Variants in MAP4K5 observed in about 807,000 individuals in gnomAD.
The protein encoded by MAP4K5 is mitogen-activated protein kinase kinase kinase kinase 5.
MAP4K5 carries 82 observed loss-of-function variants against 135.6 expected under a neutral mutation model. The ratio of observed to expected loss-of-function variants is 0.60; its 90% confidence interval spans 0.51 to 0.73. The LOEUF (loss-of-function observed/expected upper bound fraction) is 0.73, where lower values mean the gene tolerates loss of function less well. MAP4K5 is among the 30% of genes least tolerant of loss of function. The probability of loss-of-function intolerance (pLI) is 0.00; values close to 1 mark genes in which losing one functional copy is unlikely to be tolerated. For missense variants in MAP4K5, 907 were observed against 1,010.9 expected (o/e 0.90, Z 1.39); for synonymous variants, 347 against 335.0 (o/e 1.04, Z -0.39).
chr14:50,484,310 ATTT>A (rs1394539105), intron 5 of MAP4K5, among the ~76,000 whole-genome samples: 1 of 152,166 alleles, frequency 6.6e-6, no homozygotes, highest in Non-Finnish European at 1.5e-5. Flanking sequence ...ATCAGTCAGA[ATTT>A]TTGTTGTTAT....
chr14:50,485,329 T>C (rs1393123808), intron 5 of MAP4K5, among the ~76,000 whole-genome samples: 3 of 152,130 alleles, frequency 2.0e-5, no homozygotes, highest in Non-Finnish European at 4.4e-5. Flanking sequence ...ATAAAACACT[T>C]TCCTAGAGAT....
At chr14:50,548,028 A>T (rs772306377) in intron 1 of MAP4K5, among the ~76,000 whole-genome samples, 8 of 152,132 alleles carry the variant, frequency 5.3e-5, no homozygotes, top group Non-Finnish European at 8.8e-5. Flanking sequence ...GCAGATGTGG[A>T]GACTACCCTA....
chr14:50,461,993 C>T (rs1307774075), intron 13 of MAP4K5, among the ~76,000 whole-genome samples: 4 of 151,594 alleles, frequency 2.6e-5, no homozygotes, highest in Non-Finnish European at 2.9e-5. Context: ...TATGAATAGC[C>T]CTACAACTAA....
upstream of MAP4K5, among the ~76,000 whole-genome samples, chr14:50,534,772 A>G (rs1302231546): frequency 1.3e-5 from 2 of 152,258 alleles, no homozygotes; most frequent in Non-Finnish European, 2.9e-5. Context: ...TTTGTTTTAT[A>G]CTAACTCCAA....
intron 2 of MAP4K5, among the ~76,000 whole-genome samples, chr14:50,519,264 A>T (rs917248069): frequency 4.6e-5 from 7 of 152,142 alleles, no homozygotes; most frequent in African/African-American, 1.7e-4. Flanking sequence ...TCTATGATTT[A>T]TACGTATGTC....
At chr14:50,504,220 A>C (rs935209621) in intron 3 of MAP4K5, among the ~76,000 whole-genome samples, 1 of 152,136 alleles carries the variant, frequency 6.6e-6, no homozygotes, top group Non-Finnish European at 1.5e-5. Context: ...AAATGAACAT[A>C]CCACCAAATA....
At chr14:50,546,486 C>T (rs2038634141) in intron 1 of MAP4K5, among the ~76,000 whole-genome samples, 1 of 152,070 alleles carries the variant, frequency 6.6e-6, no homozygotes, top group African/African-American at 2.4e-5. Context: ...TAAATGAGTA[C>T]TCACACATTA....
At chr14:50,523,311 C>CAA (rs111516627) in intron 2 of MAP4K5, among the ~76,000 whole-genome samples, 1 of 145,648 alleles carries the variant, frequency 6.9e-6, no homozygotes, top group East Asian at 2.0e-4. Context: ...AACTCTGTCT[C>CAA]AAAAAAAAAA....
chr14:50,532,218 C>T, intron 1 of MAP4K5, 60 bp from the exon 2 acceptor site: 1 of 564,202 alleles, frequency 1.8e-6, no homozygotes, highest in South Asian at 2.1e-5. Flanking sequence ...CAGCGGCCCG[C>T]GCCCTCGCGG....
chr14:50,471,412 C>T (rs1484219285), intron 9 of MAP4K5, among the ~76,000 whole-genome samples: 8 of 152,026 alleles, frequency 5.3e-5, no homozygotes, highest in Non-Finnish European at 1.0e-4. Flanking sequence ...CTGCAGGCCA[C>T]TACATGATGT....
intron 2 of MAP4K5, among the ~76,000 whole-genome samples, chr14:50,515,923 T>C (rs1202815062): frequency 1.3e-5 from 2 of 152,176 alleles, no homozygotes; most frequent in East Asian, 1.9e-4. Flanking sequence ...TTAACATTAA[T>C]GTGTCTAACA....
intron 26 of MAP4K5, among the ~76,000 whole-genome samples, chr14:50,435,508 G>A (rs1303006588): frequency 6.6e-6 from 1 of 151,830 alleles, no homozygotes; most frequent in Non-Finnish European, 1.5e-5. Flanking sequence ...GAGACTATAG[G>A]TGTATGCCAC....
intron 26 of MAP4K5, 25 bp downstream of exon 26, chr14:50,437,451 A>C: frequency 6.5e-7 from 1 of 1,544,010 alleles, no homozygotes; most frequent in Non-Finnish European, 8.9e-7. Flanking sequence ...CTAACCATTC[A>C]GTTTGAGAAA....
chr14:50,438,665 CTTT>C (rs2036155016), intron 23 of MAP4K5, among the ~76,000 whole-genome samples: 2 of 152,030 alleles, frequency 1.3e-5, no homozygotes, highest in Admixed American at 1.3e-4. Flanking sequence ...CAATATTTAT[CTTT>C]TTATTATTAG....
chr14:50,423,829 C>T (rs1034804271), intron 31 of MAP4K5, among the ~76,000 whole-genome samples: 1 of 152,148 alleles, frequency 6.6e-6, no homozygotes, highest in Non-Finnish European at 1.5e-5. Context: ...TGCCAAAGTG[C>T]CCGCAGTTTG....
At chr14:50,475,178 G>A in intron 8 of MAP4K5, 29 bp from the exon 9 acceptor site, 5 of 1,565,094 alleles carry the variant, frequency 3.2e-6, no homozygotes, top group Non-Finnish European at 4.4e-6. Flanking sequence ...GAAAATTTTA[G>A]TTCTTTACAA....
intron 3 of MAP4K5, among the ~76,000 whole-genome samples, chr14:50,502,978 T>G (rs1209780383): frequency 6.6e-6 from 1 of 151,784 alleles, no homozygotes; most frequent in African/African-American, 2.4e-5. Context: ...GAAATTACAG[T>G]TCAAAATTGT....
At chr14:50,428,025 T>C (rs1014478042) in intron 30 of MAP4K5, among the ~76,000 whole-genome samples, 1 of 152,168 alleles carries the variant, frequency 6.6e-6, no homozygotes, top group African/African-American at 2.4e-5. Flanking sequence ...GCAAAGGGAA[T>C]AATGAACAGA....
chr14:50,426,170 A>G (rs1442279144), intron 30 of MAP4K5, among the ~76,000 whole-genome samples, 193 bp from the exon 31 acceptor site: 2 of 152,214 alleles, frequency 1.3e-5, no homozygotes. Flanking sequence ...AGGTAGGGTT[A>G]TGCAAGTCTT....
Sources: allele counts gnomAD v4.1 joint callset (sites outside exome capture counted in the v4.1 genomes callset), GRCh38; gene constraint gnomAD v4.1.1; transcripts MANE v1.5; gene names NCBI Gene and HGNC (gene_info 2026-07-23, HGNC 2026-07-21).